PARN: variants seen among roughly 807,000 people sequenced by gnomAD.
The protein encoded by PARN is poly(A)-specific ribonuclease PARN.
In PARN, 71 loss-of-function variants were observed where a neutral mutation model predicts 102.8. The ratio of observed to expected loss-of-function variants is 0.69; its 90% confidence interval spans 0.57 to 0.84. The LOEUF is 0.84. Ranked by LOEUF, PARN falls within the 40% of genes least tolerant of loss-of-function variation. The pLI is 0.00. For missense variants in PARN, 782 were observed against 760.9 expected (o/e 1.03, Z -0.33); for synonymous variants, 261 against 252.9 (o/e 1.03, Z -0.30).
chr16:14,500,825 C>T (rs914251106), intron 21 of PARN, among the ~76,000 whole-genome samples: 2 of 152,124 alleles, frequency 1.3e-5, no homozygotes, highest in Admixed American at 1.3e-4. Context: ...AGTGAGCTCA[C>T]AGATAGTACC....
At chr16:14,482,992 C>T (rs1963468140) in intron 21 of PARN, among the ~76,000 whole-genome samples, 165 bp from the exon 22 acceptor site, 1 of 152,118 alleles carries the variant, frequency 6.6e-6, no homozygotes, top group Non-Finnish European at 1.5e-5. Context: ...GGTACACCTG[C>T]AAACTCTCCA....
chr16:14,514,553 G>C (rs1965363170), intron 21 of PARN, among the ~76,000 whole-genome samples: 1 of 152,192 alleles, frequency 6.6e-6, no homozygotes, highest in Non-Finnish European at 1.5e-5. Flanking sequence ...ATTTGATGGA[G>C]GTGAGGTGAG....
intron 21 of PARN, among the ~76,000 whole-genome samples, chr16:14,541,850 A>T (rs139225827): frequency 1.1e-3 from 174 of 152,314 alleles, no homozygotes; most frequent in African/African-American, 4.0e-3. Flanking sequence ...AGTCTCCACA[A>T]GAGAACATTC....
At chr16:14,580,998 G>T in intron 17 of PARN, 55 bp from the exon 18 acceptor site, 3 of 1,051,010 alleles carry the variant, frequency 2.9e-6, no homozygotes, top group Non-Finnish European at 2.9e-6. Flanking sequence ...GACCAAGCCT[G>T]AAAGTTCAGA....
At chr16:14,611,449 G>C (rs1416720195) in intron 6 of PARN, among the ~76,000 whole-genome samples, 2 of 152,204 alleles carry the variant, frequency 1.3e-5, no homozygotes, top group Non-Finnish European at 2.9e-5. Context: ...CAAAGGCCAT[G>C]ATGACTACTC....
intron 7 of PARN, among the ~76,000 whole-genome samples, chr16:14,609,498 G>C (rs1487905969): frequency 6.6e-6 from 1 of 152,134 alleles, no homozygotes; most frequent in East Asian, 1.9e-4. Flanking sequence ...CTGAGCCCAG[G>C]AAGTTGAGGC....
chr16:14,535,845 T>C (rs1966584679), intron 21 of PARN, among the ~76,000 whole-genome samples: 1 of 152,190 alleles, frequency 6.6e-6, no homozygotes, highest in African/African-American at 2.4e-5. Flanking sequence ...ACATACAGGC[T>C]TTCATACCAT....
At chr16:14,450,906 T>C (rs1486899904) in intron 22 of PARN, among the ~76,000 whole-genome samples, 4 of 150,970 alleles carry the variant, frequency 2.6e-5, no homozygotes, top group East Asian at 1.9e-4. Context: ...TTCTGAATCA[T>C]TGAAAAAAAA....
intron 21 of PARN, among the ~76,000 whole-genome samples, chr16:14,522,038 T>A (rs376826664): frequency 1.3e-5 from 2 of 152,194 alleles, no homozygotes; most frequent in Admixed American, 6.5e-5. Flanking sequence ...GGCTGTACCA[T>A]ATAGGTTTAA....
intron 21 of PARN, among the ~76,000 whole-genome samples, chr16:14,526,927 A>G (rs985574479): frequency 1.3e-5 from 2 of 152,218 alleles, no homozygotes; most frequent in African/African-American, 4.8e-5. Context: ...AAAAGCAAAT[A>G]AAAAGTAGAC....
chr16:14,518,689 T>A (rs1348488809), intron 21 of PARN, among the ~76,000 whole-genome samples: 1 of 152,082 alleles, frequency 6.6e-6, no homozygotes, highest in African/African-American at 2.4e-5. Context: ...TAGTTACTCA[T>A]TAAGGTGGGG....
intron 5 of PARN, among the ~76,000 whole-genome samples, chr16:14,623,687 AT>A (rs1387841894): frequency 6.6e-6 from 1 of 151,756 alleles, no homozygotes; most frequent in East Asian, 1.9e-4. Flanking sequence ...AAATACAAAA[AT>A]TAGCAGGGCG....
intron 11 of PARN, among the ~76,000 whole-genome samples, chr16:14,600,907 C>T (rs1970828858): frequency 6.6e-6 from 1 of 152,100 alleles, no homozygotes; most frequent in Admixed American, 6.6e-5. Flanking sequence ...GCACTCCAGC[C>T]TGGGCAACAA....
At chr16:14,572,065 T>C (rs560111253) in intron 18 of PARN, among the ~76,000 whole-genome samples, 257 of 152,338 alleles carry the variant, frequency 1.7e-3, no homozygotes, top group Non-Finnish European at 3.0e-3. Flanking sequence ...GGAAGTCCCA[T>C]GGAGGAGGGA....
chr16:14,601,822 C>T, intron 11 of PARN: 1 of 151,476 alleles, frequency 6.6e-6, no homozygotes, highest in Non-Finnish European at 1.5e-5. Flanking sequence ...ACTCGGGAGG[C>T]TGAGGCAGGA....
chr16:14,590,500 T>C lies in PARN; in HGVS notation c.918+2801A>G, dbSNP rs1338517334. On this transcript the variant is annotated intron_variant, in intron 13 of 23. Coordinates refer to ENST00000437198, the MANE Select transcript of PARN (RefSeq NM_002582.4). ...ACATACAAAAATTACCCGGGCATGG[T>C]AGCAGGCATCTGTAATCCCAGCTCC... 2.6e-5 allele frequency among the ~76,000 whole-genome samples: 4 copies of C among 151,416 alleles called. No homozygotes were observed. The East Asian group carries it at 7.8e-4, about 30-fold the overall frequency.
chr16:14,600,185 T>A (rs1970791474), intron 11 of PARN, among the ~76,000 whole-genome samples: 1 of 152,206 alleles, frequency 6.6e-6, no homozygotes, highest in African/African-American at 2.4e-5. Context: ...AAATTATTCA[T>A]TAGTTACTAA....
intron 23 of PARN, among the ~76,000 whole-genome samples, chr16:14,445,147 G>C (rs773391780): frequency 1.3e-5 from 2 of 151,796 alleles, no homozygotes; most frequent in Non-Finnish European, 2.9e-5. Context: ...AGTTAAGTCA[G>C]GGAAAGGACA....
intron 21 of PARN, among the ~76,000 whole-genome samples, chr16:14,486,363 C>G (rs1963692218): frequency 6.6e-6 from 1 of 152,046 alleles, no homozygotes; most frequent in African/African-American, 2.4e-5. Flanking sequence ...ACAGCAAGAC[C>G]CTATCTCGAA....
Sources: gnomAD v4.1 joint callset for allele counts (sites outside exome capture counted in the v4.1 genomes callset) on GRCh38, gnomAD v4.1.1 for gene constraint, MANE v1.5 for transcripts, NCBI Gene and HGNC (gene_info 2026-07-23, HGNC 2026-07-21) for gene names.